The following RETREG1 variants were observed in gnomAD, a reference collection of about 807,000 sequenced individuals.
RETREG1 encodes the protein reticulophagy regulator 1.
Under a neutral mutation model 54.8 loss-of-function variants are expected in RETREG1, and 44 were observed. The observed-to-expected ratio is 0.80, with a 90% CI of 0.63 to 1.03. The LOEUF is 1.03. RETREG1 is among the 50% of genes least tolerant of loss of function. The pLI is 0.00. For missense variants in RETREG1, 554 were observed against 605.1 expected (o/e 0.92, Z 0.89); for synonymous variants, 217 against 238.5 (o/e 0.91, Z 0.83).
chr5:16,556,244 C>T (rs1741703737), intron 3 of RETREG1, among the ~76,000 whole-genome samples: 1 of 151,896 alleles, frequency 6.6e-6, no homozygotes. Context: ...CCACAAGCTC[C>T]GCCTCCCAGG....
At chr5:16,580,297 C>T (rs1742447420) in intron 1 of RETREG1, among the ~76,000 whole-genome samples, 1 of 152,216 alleles carries the variant, frequency 6.6e-6, no homozygotes, top group South Asian at 2.1e-4. Flanking sequence ...TACTAGTCAG[C>T]AGACAATCCA....
intron 2 of RETREG1, among the ~76,000 whole-genome samples, chr5:16,567,672 G>A (rs1256870238): frequency 6.6e-6 from 1 of 152,124 alleles, no homozygotes; most frequent in Non-Finnish European, 1.5e-5. Flanking sequence ...CAAGAGAGCT[G>A]GGGGGCAGGC....
intron 3 of RETREG1, among the ~76,000 whole-genome samples, chr5:16,488,232 C>T (rs754929565): frequency 2.0e-5 from 3 of 152,190 alleles, no homozygotes; most frequent in African/African-American, 7.2e-5. Context: ...TATACCCAAC[C>T]CACCTGAAAC....
intron 3 of RETREG1, among the ~76,000 whole-genome samples, chr5:16,487,402 A>G (rs1402416351): frequency 6.6e-6 from 1 of 152,078 alleles, no homozygotes; most frequent in East Asian, 1.9e-4. Context: ...AACTCACCAC[A>G]CACTCCAGCC....
chr5:16,614,546 A>C (rs898478040), intron 1 of RETREG1, among the ~76,000 whole-genome samples: 2 of 152,230 alleles, frequency 1.3e-5, no homozygotes, highest in Non-Finnish European at 2.9e-5. Flanking sequence ...CAAAGCAGGC[A>C]GTCATACACA....
chr5:16,600,371 C>A (rs946349020), intron 1 of RETREG1, among the ~76,000 whole-genome samples: 17 of 152,148 alleles, frequency 1.1e-4, no homozygotes, highest in Non-Finnish European at 1.5e-5. Context: ...GGAGAGAGGA[C>A]CTCTCCTCCA....
At chr5:16,482,558 T>A (rs746444014) in intron 4 of RETREG1, among the ~76,000 whole-genome samples, 7 of 152,062 alleles carry the variant, frequency 4.6e-5, no homozygotes, top group Non-Finnish European at 8.8e-5. Context: ...TTTAATACTA[T>A]TGAAGTTACG....
Position 16,475,111 on chromosome 5 carries a change from C to T in RETREG1, c.1124G>A (p.Arg375Lys). The change falls in exon 9 of 9, where the codon AGA becomes AAA. Residue 375 changes from arginine to lysine, a missense_variant. By Grantham distance (26) the Arg-to-Lys change is conservative. Coordinates refer to ENST00000306320, the MANE Select transcript of RETREG1 (RefSeq NM_001034850.3). ...ACCACTGTCCAACTGTTCCTTCTTTCTCTTGAGCTCAGTGGGCAAACCAAG... is the reference window on the plus strand; with the variant it reads ...ACCACTGTCCAACTGTTCCTTCTTTTTCTTGAGCTCAGTGGGCAAACCAAG... The part of the protein sequence containing the change: ...LSLGLPTELK[R>K]KKEQLDSGHR... 2 of 1,613,998 alleles carry T rather than the reference C, an allele frequency of 1.2e-6. No individual in the cohort carries two copies. The highest frequency in any genetic ancestry group is 1.1e-5 in the South Asian group (1 of 91,086).
rs3993834 is a variant in RETREG1, at chr5:16,581,526, AACACACACACACACACAC to A, written c.321-9442_321-9425del. ...AAATACTTTTTAAGTTCAGAAACAC[AACACACACACACACACAC>A]ACACACACACACACACACACAAAAC... On this transcript the variant is annotated intron_variant, in intron 1 of 8. Coordinates refer to ENST00000306320, the MANE Select transcript of RETREG1 (RefSeq NM_001034850.3). Among the ~76,000 whole-genome samples the A allele has an allele frequency of 1.7e-4, 24 of 143,730 alleles. 1 individual carries two copies. Among genetic ancestry groups the A allele is most frequent in the Admixed American group, 7.4e-4 (11 of 14,802 alleles). 94.3% of individuals were successfully genotyped at this position (143,730 alleles called of 152,430 possible). A position where few individuals can be genotyped will look rare whatever the true frequency, so the allele number is the denominator to read the frequency against.
At chr5:16,517,371 G>T (rs1242508056) in intron 3 of RETREG1, among the ~76,000 whole-genome samples, 1 of 152,172 alleles carries the variant, frequency 6.6e-6, no homozygotes, top group African/African-American at 2.4e-5. Flanking sequence ...TTTAAGGCAG[G>T]GATGTTCTTG....
intron 3 of RETREG1, among the ~76,000 whole-genome samples, chr5:16,487,344 C>T (rs1470184788): frequency 2.0e-5 from 3 of 152,178 alleles, no homozygotes; most frequent in South Asian, 2.1e-4. Context: ...CCCTCCCTCT[C>T]GCCAGCCTTC....
intron 1 of RETREG1, among the ~76,000 whole-genome samples, chr5:16,590,579 G>C (rs17650706): frequency 6.6e-6 from 1 of 152,232 alleles, no homozygotes; most frequent in South Asian, 2.1e-4. Flanking sequence ...AGTGAAACTC[G>C]GGGCGTGTGT....
At chr5:16,605,867 C>T (rs147201343) in intron 1 of RETREG1, among the ~76,000 whole-genome samples, 3,050 of 152,264 alleles carry the variant, frequency 0.02, 60 homozygotes, top group Non-Finnish European at 0.03. Flanking sequence ...ACTCCCCCTT[C>T]ATGACCTAAT....
At position 16,573,735 on chromosome 5, in the gene RETREG1, G is replaced by GTTTTTTTT. The variant is rs3993826; in HGVS notation, c.321-1634_321-1633insAAAAAAAA. On this transcript the variant is annotated intron_variant, in intron 1 of 8. Transcript: ENST00000306320. ...TTTAATTGGTTTTTTGGGTTTGTTT[G>GTTTTTTTT]TTTTTTGTTTTTTTTTTTTTTTTTT... Among the ~76,000 whole-genome samples, 237 of 122,108 alleles carry GTTTTTTTT rather than the reference G, an allele frequency of 1.9e-3. 20 individuals are homozygous for GTTTTTTTT. The highest frequency in any genetic ancestry group is 2.7e-3 in the Non-Finnish European group (157 of 58,224). The allele number at this position is 122,108 out of a possible 152,430, so 80.1% of individuals were successfully genotyped here.
At position 16,473,828 on chromosome 5, in the gene RETREG1, C is replaced by T. The variant is rs886060391; in HGVS notation, c.*913G>A. The stretch of plus-strand genomic sequence containing the variant: ...AAACAGAGTTATTATATCTTTATTG[C>T]TGATGATCACATCACTCATCAAGAA... On this transcript the variant is annotated 3_prime_UTR_variant, in exon 9 of 9. Transcript: ENST00000306320. The T allele has an allele frequency of 1.3e-5, 2 of 152,126 alleles. No homozygotes were observed. Among genetic ancestry groups the T allele is most frequent in the Non-Finnish European group, 2.9e-5 (2 of 68,004 alleles). The allele number at this position is 152,126 out of a possible 1,614,324, so 9.4% of individuals were successfully genotyped here.
At position 16,478,046 on chromosome 5, in the gene RETREG1, A is replaced by T; in HGVS notation, c.861T>A (p.Ala287=). The change falls in exon 7 of 9, where the codon GCT becomes GCA. Residue 287 remains alanine (A), a synonymous_variant. Coordinates refer to ENST00000306320, the MANE Select transcript of RETREG1 (RefSeq NM_001034850.3). ...HKDDSELDFS[A]LCPKISLTVA... Reference sequence around the variant, plus strand: ...AAACAAAAAATACCTTAGGACAAAGAGCTGAAAAGTCTAATTCACTGTCAT... The same window carrying T: ...AAACAAAAAATACCTTAGGACAAAGTGCTGAAAAGTCTAATTCACTGTCAT... 1 of 1,609,314 alleles carries T rather than the reference A, an allele frequency of 6.2e-7. No individual in the cohort carries two copies. The highest frequency in any genetic ancestry group is 8.5e-7 in the Non-Finnish European group (1 of 1,177,342).
At chr5:16,545,351 T>C (rs1551936) in intron 3 of RETREG1, among the ~76,000 whole-genome samples, 126,290 of 152,026 alleles carry the variant, frequency 0.83, 52,470 homozygotes, top group Middle Eastern at 0.87. Context: ...GGTAGAATGC[T>C]GAGGTGAAGC....
At chr5:16,506,679 C>G (rs1045112542) in intron 3 of RETREG1, among the ~76,000 whole-genome samples, 3 of 152,202 alleles carry the variant, frequency 2.0e-5, no homozygotes, top group African/African-American at 7.2e-5. Flanking sequence ...AGCCACGGCA[C>G]CAGGCCAGTT....
chr5:16,529,762 C>T (rs900679189), intron 3 of RETREG1, among the ~76,000 whole-genome samples: 5 of 152,104 alleles, frequency 3.3e-5, no homozygotes, highest in African/African-American at 7.2e-5. Context: ...TTTTTCAGTC[C>T]AACCCAGAGT....
Sources: allele counts gnomAD v4.1 joint callset (sites outside exome capture counted in the v4.1 genomes callset), GRCh38; gene constraint gnomAD v4.1.1; transcripts MANE v1.5; gene names NCBI Gene and HGNC (gene_info 2026-07-23, HGNC 2026-07-21).